Variants in SKA1 observed in about 807,000 individuals in gnomAD.
SKA1 encodes the protein SKA complex subunit 1.
Under a neutral mutation model 31.8 loss-of-function variants are expected in SKA1, and 20 were observed. That is an observed-to-expected ratio of 0.63 (90% CI 0.44 to 0.91). The LOEUF (loss-of-function observed/expected upper bound fraction) is 0.91. Ranked by LOEUF, SKA1 falls within the 40% of genes least tolerant of loss-of-function variation. SKA1 has a pLI of 0.00. For missense variants in SKA1, 253 were observed against 298.2 expected, an observed-to-expected ratio of 0.85 and a Z score of 1.12; for synonymous variants, 88 against 100.5, an observed-to-expected ratio of 0.88 and a Z score of 0.74.
intron 5 of SKA1, among the ~76,000 whole-genome samples, chr18:50,385,662 G>A (rs2041301369): frequency 2.0e-5 from 3 of 152,196 alleles, no homozygotes; most frequent in Admixed American, 6.5e-5. Context: ...GAAATCGAGT[G>A]TGTTGTGTAG....
chr18:50,386,144 T>C (rs1341603224), intron 5 of SKA1, among the ~76,000 whole-genome samples: 1 of 152,100 alleles, frequency 6.6e-6, no homozygotes, highest in Non-Finnish European at 1.5e-5. Flanking sequence ...TACTATCCTT[T>C]TATTGTGATA....
At chr18:50,385,852 A>G (rs1177746042) in intron 5 of SKA1, among the ~76,000 whole-genome samples, 1 of 152,220 alleles carries the variant, frequency 6.6e-6, no homozygotes, top group Non-Finnish European at 1.5e-5. Flanking sequence ...ATATGGCAAT[A>G]ATGGGGAACC....
At chr18:50,379,576 C>T (rs570034037) in intron 2 of SKA1, among the ~76,000 whole-genome samples, 26 of 152,292 alleles carry the variant, frequency 1.7e-4, no homozygotes, top group African/African-American at 5.3e-4. Context: ...GTCCTAGCCT[C>T]GTTTGAGATT....
chr18:50,389,835 G>A (rs16951849), intron 5 of SKA1, among the ~76,000 whole-genome samples: 9,324 of 152,236 alleles, frequency 0.061, 783 homozygotes, highest in African/African-American at 0.19. Context: ...CAGTGGAGTA[G>A]AGGATTTTTG....
intron 1 of SKA1, 98 bp from the exon 2 acceptor site, chr18:50,375,720 CAT>C: frequency 1.4e-6 from 1 of 700,146 alleles, no homozygotes; most frequent in South Asian, 1.9e-5. Flanking sequence ...CCTTCAAAGA[CAT>C]GTGATTTACT....
At chr18:50,387,316 C>G (rs1001285999) in intron 5 of SKA1, among the ~76,000 whole-genome samples, 1 of 152,196 alleles carries the variant, frequency 6.6e-6, no homozygotes, top group African/African-American at 2.4e-5. Context: ...GCTGAGCTAT[C>G]GAAGGAAGCA....
intron 2 of SKA1, among the ~76,000 whole-genome samples, chr18:50,378,061 T>C (rs1219313182): frequency 2.0e-5 from 3 of 152,210 alleles, no homozygotes; most frequent in Non-Finnish European, 4.4e-5. Flanking sequence ...TTAGTACTCT[T>C]TCTATTTTGT....
rs1021505198 is a variant in SKA1 at position 50,393,695 on chromosome 18, A to C, written c.*1448A>C. The C allele has an allele frequency of 1.3e-5, 2 of 152,324 alleles. No homozygotes were observed. Among genetic ancestry groups the C allele is most frequent in the African/African-American group, 4.8e-5 (2 of 41,558 alleles). 9.4% of individuals were successfully genotyped at this position (152,324 alleles called of 1,614,324 possible). A position where few individuals can be genotyped will look rare whatever the true frequency, so the allele number is the denominator to read the frequency against. On this transcript the variant is annotated 3_prime_UTR_variant, in exon 7 of 7. Coordinates refer to ENST00000285116, the MANE Select transcript of SKA1 (RefSeq NM_145060.4). ...CTCCTAAAACCCTTGTAATTTCCAA[A>C]GTGATGGAGTACATCTTTTGTTCTA...
Position 50,385,420 on chromosome 18 carries a change from C to G in SKA1, c.449+67C>G. 4 of 1,294,198 alleles carry G rather than the reference C, an allele frequency of 3.1e-6. No homozygotes were observed. The South Asian group carries it at 6.3e-5, about 20-fold the overall frequency. The allele number at this position is 1,294,198 out of a possible 1,614,324, so 80.2% of individuals were successfully genotyped here. A position where few individuals can be genotyped will look rare whatever the true frequency, so the allele number is the denominator to read the frequency against. Reference sequence around the variant, plus strand: ...ATAAATGATCGTTTAAATAATAAAGCTTAATTATATTAATTGTAATATGCT... The same window carrying G: ...ATAAATGATCGTTTAAATAATAAAGGTTAATTATATTAATTGTAATATGCT... On this transcript the variant is annotated intron_variant, in intron 5 of 6. Transcript: ENST00000285116.
Position 50,385,374 on chromosome 18 carries a change from A to G in SKA1, c.449+21A>G, listed in dbSNP as rs750962860. 14 of 1,550,144 alleles carry G rather than the reference A, an allele frequency of 9.0e-6. No individual in the cohort carries two copies. The South Asian group carries it at 1.4e-4, about 15-fold the overall frequency. Reference sequence around the variant, plus strand: ...CCTTCGTAAGTATTTAAGATAAATAATGTTCAACCCCTTAATAAACATAAA... The same window carrying G: ...CCTTCGTAAGTATTTAAGATAAATAGTGTTCAACCCCTTAATAAACATAAA... On this transcript the variant is annotated intron_variant, in intron 5 of 6. Coordinates refer to ENST00000285116, the MANE Select transcript of SKA1 (RefSeq NM_145060.4).
At chr18:50,377,294 G>A (rs926659654) in intron 2 of SKA1, among the ~76,000 whole-genome samples, 4 of 152,060 alleles carry the variant, frequency 2.6e-5, no homozygotes, top group African/African-American at 4.8e-5. Context: ...TTTCAGCTCC[G>A]TTATAATCTT....
At chr18:50,384,891 G>GAAAAAAAAAAAAAA (rs2041294055) in intron 4 of SKA1, among the ~76,000 whole-genome samples, 1 of 107,478 alleles carries the variant, frequency 9.3e-6, no homozygotes, top group Non-Finnish European at 2.0e-5. Flanking sequence ...AAAAAAAAAA[G>GAAAAAAAAAAAAAA]GAAAAAAAAA....
rs2041361610 is a variant in SKA1, at chr18:50,392,110, A to G, written c.631A>G (p.Ile211Val). ...ATCTTTATTTTTAGGTCGTTATTTTATAGTGGAAGCTGACATAAAGGAGTT... is the reference window on the plus strand; with the variant it reads ...ATCTTTATTTTTAGGTCGTTATTTTGTAGTGGAAGCTGACATAAAGGAGTT... ...ETKDTKGRYF[I>V]VEADIKEFTT... Residue 211 changes from isoleucine to valine, a missense_variant, in exon 7 of 7, where the codon ATA becomes GTA. By Grantham distance (29) the Ile-to-Val change is conservative. Transcript: ENST00000285116. 6.3e-7 allele frequency: 1 copy of G among 1,582,420 alleles called. No individual in the cohort carries two copies.
intron 5 of SKA1, among the ~76,000 whole-genome samples, chr18:50,388,437 G>A (rs994699522): frequency 1.3e-5 from 2 of 152,120 alleles, no homozygotes; most frequent in Non-Finnish European, 1.5e-5. Flanking sequence ...GGTTTCCTTA[G>A]AAATTTTTTC....
Position 50,391,123 on chromosome 18 carries a change from G to A in SKA1, c.450-1G>A. 1 of 1,501,988 alleles carries A rather than the reference G, an allele frequency of 6.7e-7. No individual in the cohort carries two copies. The highest frequency in any genetic ancestry group is 1.4e-5 in the African/African-American group (1 of 70,372). 93.0% of individuals were successfully genotyped at this position (1,501,988 alleles called of 1,614,324 possible). A position where few individuals can be genotyped will look rare whatever the true frequency, so the allele number is the denominator to read the frequency against. On this transcript the variant is annotated splice_acceptor_variant, in intron 5 of 6. Coordinates refer to ENST00000285116, the MANE Select transcript of SKA1 (RefSeq NM_145060.4). LOFTEE classifies it high-confidence loss of function. ...ATAATTAGCCATATACTTTTTTACA[G>A]GTACATGAAATCCCGCTTAACCTAT...
At chr18:50,384,872 A>AAAAAAAAAAAAAAAAAATG (rs2041293218) in intron 4 of SKA1, among the ~76,000 whole-genome samples, 1 of 68,790 alleles carries the variant, frequency 1.5e-5, no homozygotes, top group Non-Finnish European at 2.6e-5. Context: ...AAAAAAAATT[A>AAAAAAAAAAAAAAAAAATG]AAAAAAAAAA....
chr18:50,384,141 A>G (rs2041283656), intron 4 of SKA1, among the ~76,000 whole-genome samples: 1 of 152,210 alleles, frequency 6.6e-6, no homozygotes, highest in African/African-American at 2.4e-5. Flanking sequence ...CAAATAATAC[A>G]TGTTGCTAGA....
At chr18:50,384,871 T>TAAAAAAAAAAAAAAAAAAGAAA (rs2041292028) in intron 4 of SKA1, among the ~76,000 whole-genome samples, 1 of 82,596 alleles carries the variant, frequency 1.2e-5, no homozygotes, top group Non-Finnish European at 2.1e-5. Flanking sequence ...AAAAAAAAAT[T>TAAAAAAAAAAAAAAAAAAGAAA]AAAAAAAAAA....
chr18:50,379,264 T>C (rs55773725), intron 2 of SKA1, among the ~76,000 whole-genome samples: 5,564 of 152,196 alleles, frequency 0.037, 321 homozygotes, highest in African/African-American at 0.12. Flanking sequence ...TGCTAGGAGG[T>C]GGGATTGGGA....
Sources: allele counts gnomAD v4.1 joint callset (sites outside exome capture counted in the v4.1 genomes callset), GRCh38; gene constraint gnomAD v4.1.1; transcripts MANE v1.5; gene names NCBI Gene and HGNC (gene_info 2026-07-23, HGNC 2026-07-21).